PLXNA4: variants seen among roughly 807,000 people sequenced by gnomAD.
PLXNA4 encodes the protein plexin-A4.
In PLXNA4, 44 loss-of-function variants were observed where a neutral mutation model predicts 191.8. The observed-to-expected ratio is 0.23, with a 90% CI of 0.18 to 0.29. The LOEUF (loss-of-function observed/expected upper bound fraction) is 0.29. Among genes scored for constraint, PLXNA4 ranks in the 10% least tolerant of loss-of-function variants. The probability of loss-of-function intolerance (pLI) is 1.00; values close to 1 mark genes in which losing one functional copy is unlikely to be tolerated. For missense variants in PLXNA4, 1,800 were observed against 2,488.8 expected (o/e 0.72, Z 5.89); for synonymous variants, 1,082 against 1,009.5 (o/e 1.07, Z -1.36).
At chr7:132,139,031 G>C (rs1795191608) in intron 30 of PLXNA4, among the ~76,000 whole-genome samples, 1 of 152,244 alleles carries the variant, frequency 6.6e-6, no homozygotes, top group East Asian at 1.9e-4. Context: ...AGGGGCTGGA[G>C]GGCCTGCTCC....
intron 4 of PLXNA4, among the ~76,000 whole-genome samples, chr7:132,272,839 CT>C (rs1190733721): frequency 1.3e-5 from 2 of 152,176 alleles, no homozygotes; most frequent in Non-Finnish European, 2.9e-5. Flanking sequence ...TGAAACCCAG[CT>C]CATATTTGGC....
chr7:132,516,623 T>C (rs965587518), intron 1 of PLXNA4, among the ~76,000 whole-genome samples: 15 of 152,194 alleles, frequency 9.9e-5, no homozygotes, highest in Middle Eastern at 3.4e-3. Context: ...ACATGATGAG[T>C]TCTGGGCTGG....
intron 2 of PLXNA4, among the ~76,000 whole-genome samples, chr7:132,499,345 G>C (rs999536148): frequency 6.6e-6 from 1 of 152,232 alleles, no homozygotes; most frequent in African/African-American, 2.4e-5. Flanking sequence ...TCTGCAGATG[G>C]CATTATCCCT....
intron 3 of PLXNA4, among the ~76,000 whole-genome samples, chr7:132,455,897 G>A (rs748822528): frequency 6.6e-6 from 1 of 152,142 alleles, no homozygotes; most frequent in East Asian, 1.9e-4. Context: ...TGGAGGCCTG[G>A]GAGGAAGATG....
chr7:132,591,515 A>G (rs1802602979), intron 2 of PLXNA4, among the ~76,000 whole-genome samples: 1 of 152,238 alleles, frequency 6.6e-6, no homozygotes, highest in Admixed American at 6.5e-5. Context: ...CTTTTAAAAT[A>G]TATACAGTTG....
chr7:132,385,457 T>C (rs1364170277), intron 3 of PLXNA4, among the ~76,000 whole-genome samples: 2 of 152,228 alleles, frequency 1.3e-5, no homozygotes, highest in African/African-American at 4.8e-5. Flanking sequence ...TCAATATCTA[T>C]GGAGCAGAAC....
chr7:132,547,787 G>T lies in PLXNA4; in HGVS notation c.-87+28635C>A, dbSNP rs527804127. Among the ~76,000 whole-genome samples the T allele has an allele frequency of 2.0e-5, 3 of 152,266 alleles. No individual in the cohort carries two copies. The East Asian group carries it at 5.8e-4, about 29-fold the overall frequency. ...GTCTGCGGAGGCAACAAGAGAGTTTGTTGGTGGCCTAGATTTTTACTCTTT... is the reference window on the plus strand; with the variant it reads ...GTCTGCGGAGGCAACAAGAGAGTTTTTTGGTGGCCTAGATTTTTACTCTTT... On this transcript the variant is annotated intron_variant, in intron 1 of 31. Coordinates refer to ENST00000321063, the MANE Select transcript of PLXNA4 (RefSeq NM_020911.2).
rs1796920361 is a variant in PLXNA4 at position 132,187,559 on chromosome 7, CT to C, written c.2904del (p.Thr970ProfsTer3). The part of the protein sequence containing the change: ...DLKPSRGPMS[G>X]GTQVTITGTN... ...GTGCCTGTGATGGTCACTTGGGTCC[CT>C]CCGGACATGGGCCCCCGGCTGGGCT... On this transcript the variant is annotated frameshift_variant, in exon 15 of 32. Transcript: ENST00000321063. LOFTEE classifies it high-confidence loss of function. 6.2e-7 allele frequency: 1 copy of C among 1,613,906 alleles called. No homozygotes were observed. The highest frequency in any genetic ancestry group is 8.5e-7 in the Non-Finnish European group (1 of 1,179,952).
intron 4 of PLXNA4, among the ~76,000 whole-genome samples, chr7:132,291,683 C>T (rs190828392): frequency 1.3e-4 from 20 of 152,322 alleles, no homozygotes; most frequent in African/African-American, 3.4e-4. Flanking sequence ...CCCTGCATGT[C>T]GAGAGCTGGC....
chr7:132,401,508 G>C (rs750912054), intron 3 of PLXNA4, among the ~76,000 whole-genome samples: 28 of 152,208 alleles, frequency 1.8e-4, no homozygotes, highest in Admixed American at 9.2e-4. Flanking sequence ...AGTACCAAAA[G>C]CTTCATGAAT....
chr7:132,527,026 A>G (rs1413724999), intron 1 of PLXNA4, among the ~76,000 whole-genome samples: 1 of 152,042 alleles, frequency 6.6e-6, no homozygotes, highest in African/African-American at 2.4e-5. Flanking sequence ...CACTTTTATC[A>G]CCCCCAGGCC....
At chr7:132,630,685 G>A (rs567870442) in intron 2 of PLXNA4, among the ~76,000 whole-genome samples, 4 of 152,010 alleles carry the variant, frequency 2.6e-5, no homozygotes, top group East Asian at 1.9e-4. Context: ...CTAATTTTTT[G>A]TATTTTTAGT....
At chr7:132,484,864 G>A (rs1319625661) in intron 3 of PLXNA4, 1 of 1,614,106 alleles carries the variant, frequency 6.2e-7, no homozygotes, top group Admixed American at 1.7e-5. Flanking sequence ...GCAGAGGCTG[G>A]ACTCTCTGAT....
chr7:132,231,810 T>C (rs1377256580), intron 5 of PLXNA4, among the ~76,000 whole-genome samples: 1 of 152,020 alleles, frequency 6.6e-6, no homozygotes, highest in Non-Finnish European at 1.5e-5. Context: ...TTCCTCCTAA[T>C]AAAGGAGAAG....
At chr7:132,360,857 G>A (rs566213419) in intron 3 of PLXNA4, among the ~76,000 whole-genome samples, 16 of 152,274 alleles carry the variant, frequency 1.1e-4, no homozygotes, top group African/African-American at 2.9e-4. Flanking sequence ...CAAGTCTACC[G>A]AGTGCATTCT....
At chr7:132,373,523 T>A (rs1804532518) in intron 3 of PLXNA4, among the ~76,000 whole-genome samples, 1 of 152,226 alleles carries the variant, frequency 6.6e-6, no homozygotes. Flanking sequence ...GCTGTAGATG[T>A]ACACATTTTT....
Position 132,247,770 on chromosome 7 carries a change from G to T in PLXNA4, c.1504-6604C>A, listed in dbSNP as rs180946024. Among the ~76,000 whole-genome samples the T allele has an allele frequency of 2.0e-3, 305 of 152,312 alleles. 1 individual carries two copies. The highest frequency in any genetic ancestry group is 3.5e-3 in the Non-Finnish European group (236 of 68,026). On this transcript the variant is annotated intron_variant, in intron 4 of 31. Coordinates refer to ENST00000321063, the MANE Select transcript of PLXNA4 (RefSeq NM_020911.2). ...CTCCAAGGCCCTCACTGCCAGGGCT[G>T]CAATTTGTGGTTGAGCAGTGGCTCA... is the stretch of plus-strand genomic sequence containing the variant.
chr7:132,183,290 G>C (rs1439358077), intron 16 of PLXNA4, among the ~76,000 whole-genome samples: 1 of 152,144 alleles, frequency 6.6e-6, no homozygotes, highest in African/African-American at 2.4e-5. Flanking sequence ...AGACAGTGCT[G>C]GAGATGACCT....
intron 9 of PLXNA4, among the ~76,000 whole-genome samples, chr7:132,216,250 C>A (rs1361951243): frequency 6.6e-6 from 1 of 152,156 alleles, no homozygotes; most frequent in Non-Finnish European, 1.5e-5. Context: ...GTTTGTTTTC[C>A]TTTTAGTCCC....
Sources: allele counts gnomAD v4.1 joint callset (sites outside exome capture counted in the v4.1 genomes callset), GRCh38; gene constraint gnomAD v4.1.1; transcripts MANE v1.5; gene names NCBI Gene and HGNC (gene_info 2026-07-23, HGNC 2026-07-21).